The following CLNK variants were observed in gnomAD, a reference collection of about 807,000 sequenced individuals.
CLNK encodes cytokine-dependent hematopoietic cell linker.
Under a neutral mutation model 68.6 loss-of-function variants are expected in CLNK, and 74 were observed. That is an observed-to-expected ratio of 1.08 (90% CI 0.89 to 1.31). CLNK has a LOEUF of 1.31. CLNK is among the 50% of genes most tolerant of loss of function. The pLI is 0.00. For synonymous variants in CLNK, 198 were observed against 172.2 expected (o/e 1.15, Z -1.17); for missense variants, 553 against 515.3 (o/e 1.07, Z -0.71).
At chr4:10,588,620 A>AT (rs1317486430) in intron 3 of CLNK, among the ~76,000 whole-genome samples, 1 of 152,068 alleles carries the variant, frequency 6.6e-6, no homozygotes, top group Non-Finnish European at 1.5e-5. Context: ...ATTTACATTC[A>AT]TTTTCACAAT....
At chr4:10,706,843 C>T in the CLNK span, among the ~76,000 whole-genome samples, 1 of 152,168 alleles carries the variant, frequency 6.6e-6, no homozygotes, top group Non-Finnish European at 1.5e-5. Context: ...AAGGACCACC[C>T]TCTTGGCCAA....
intron 3 of CLNK, among the ~76,000 whole-genome samples, chr4:10,591,506 A>G (rs1405624107): frequency 6.6e-6 from 1 of 152,218 alleles, no homozygotes. Context: ...CTGAATGGGT[A>G]AGAGTGAGTG....
intron 1 of CLNK, among the ~76,000 whole-genome samples, chr4:10,669,088 C>T (rs949783354): frequency 6.6e-6 from 1 of 152,136 alleles, no homozygotes; most frequent in African/African-American, 2.4e-5. Flanking sequence ...GCATATGGCA[C>T]CCCACTGAGC....
intron 17 of CLNK, among the ~76,000 whole-genome samples, chr4:10,503,971 C>T (rs1191497550): frequency 1.3e-5 from 2 of 150,622 alleles, no homozygotes; most frequent in East Asian, 1.9e-4. Context: ...TTTGTAGAGA[C>T]GGGGTTTCAC....
At chr4:10,610,981 C>T (rs554076095) in intron 2 of CLNK, among the ~76,000 whole-genome samples, 2 of 151,494 alleles carry the variant, frequency 1.3e-5, no homozygotes, top group South Asian at 2.1e-4. Flanking sequence ...GTCAGGAGTT[C>T]GAGACCAGCC....
the CLNK span, among the ~76,000 whole-genome samples, chr4:10,713,003 T>A: frequency 1.3e-5 from 2 of 152,168 alleles, no homozygotes; most frequent in Non-Finnish European, 2.9e-5. Context: ...CCCACCAAGT[T>A]ATGCTTAAAA....
chr4:10,624,182 C>T (rs1167988028), intron 2 of CLNK, among the ~76,000 whole-genome samples: 1 of 152,210 alleles, frequency 6.6e-6, no homozygotes, highest in Non-Finnish European at 1.5e-5. Context: ...AATAGGTAAG[C>T]ACTAGTGTGC....
intron 2 of CLNK, among the ~76,000 whole-genome samples, chr4:10,640,796 T>C (rs969890720): frequency 6.6e-6 from 1 of 152,216 alleles, no homozygotes; most frequent in African/African-American, 2.4e-5. Context: ...GGAACTGTCC[T>C]TGTAGCAAGA....
the CLNK span, among the ~76,000 whole-genome samples, chr4:10,698,878 G>C: frequency 4.0e-3 from 615 of 152,250 alleles, 8 homozygotes; most frequent in African/African-American, 0.014. Flanking sequence ...TCATCTGATC[G>C]ACTGAACACC....
chr4:10,693,640 C>A, the CLNK span, among the ~76,000 whole-genome samples: 1 of 152,192 alleles, frequency 6.6e-6, no homozygotes, highest in African/African-American at 2.4e-5. Context: ...TTGTAAACCA[C>A]CCAGTTGGTG....
At chr4:10,697,452 C>T in the CLNK span, 1 of 152,186 alleles carries the variant, frequency 6.6e-6, no homozygotes, top group African/African-American at 2.4e-5. Context: ...AAATTCCAGT[C>T]CATCATCTCC....
chr4:10,604,865 C>A (rs1450767924), intron 2 of CLNK, among the ~76,000 whole-genome samples: 1 of 152,192 alleles, frequency 6.6e-6, no homozygotes, highest in Admixed American at 6.5e-5. Context: ...CTATGGTGCC[C>A]AGTTGTTTGT....
chr4:10,613,121 T>C (rs6448136), intron 2 of CLNK, among the ~76,000 whole-genome samples: 3,839 of 152,206 alleles, frequency 0.025, 164 homozygotes, highest in African/African-American at 0.079. Flanking sequence ...GAAAAGGATC[T>C]CTATCCATGG....
chr4:10,604,752 T>A (rs1468729870), intron 2 of CLNK, among the ~76,000 whole-genome samples: 1 of 152,222 alleles, frequency 6.6e-6, no homozygotes, highest in African/African-American at 2.4e-5. Flanking sequence ...AGTCCACTAA[T>A]GAATTTCCAG....
chr4:10,534,660 C>T (rs188970552), intron 11 of CLNK, among the ~76,000 whole-genome samples: 152 of 152,262 alleles, frequency 1.0e-3, no homozygotes, highest in Admixed American at 2.4e-3. Flanking sequence ...TGAAATAACA[C>T]TCTACATTTG....
At chr4:10,561,575 C>T (rs1460895532) in intron 7 of CLNK, among the ~76,000 whole-genome samples, 2 of 152,132 alleles carry the variant, frequency 1.3e-5, no homozygotes, top group African/African-American at 4.8e-5. Flanking sequence ...TTTTTTAGTT[C>T]AGCGTTCTCT....
the CLNK span, among the ~76,000 whole-genome samples, chr4:10,709,250 A>C: frequency 6.6e-6 from 1 of 152,214 alleles, no homozygotes; most frequent in African/African-American, 2.4e-5. Flanking sequence ...CTATCTATAA[A>C]TTTCATATTT....
chr4:10,680,975 G>T (rs1725073965), intron 1 of CLNK, among the ~76,000 whole-genome samples: 1 of 150,824 alleles, frequency 6.6e-6, no homozygotes, highest in Admixed American at 6.7e-5. Flanking sequence ...GCCCATGAGT[G>T]AGGACGTCCT....
chr4:10,494,048 C>A (rs1716705884), intron 18 of CLNK, among the ~76,000 whole-genome samples: 1 of 152,204 alleles, frequency 6.6e-6, no homozygotes, highest in Admixed American at 6.5e-5. Flanking sequence ...GAGAGCAATG[C>A]AATCACCAAG....
Sources: gnomAD v4.1 joint callset for allele counts (sites outside exome capture counted in the v4.1 genomes callset) on GRCh38, gnomAD v4.1.1 for gene constraint, MANE v1.5 for transcripts, NCBI Gene and HGNC (gene_info 2026-07-23, HGNC 2026-07-21) for gene names.